CORO2A: variants seen among roughly 807,000 people sequenced by gnomAD.
CORO2A encodes coronin 2A, also known as coronin-2A.
In CORO2A, 47 loss-of-function variants were observed where a neutral mutation model predicts 62.4. The observed-to-expected ratio is 0.75, with a 90% CI of 0.60 to 0.96. The LOEUF is 0.96. Among genes scored for constraint, CORO2A ranks in the 40% least tolerant of loss-of-function variants. The pLI, the probability that CORO2A is intolerant of heterozygous loss-of-function variation, is 0.00. For synonymous variants in CORO2A, 273 were observed against 268.9 expected (o/e 1.02, Z -0.15); for missense variants, 610 against 684.1 (o/e 0.89, Z 1.21).
At position 98,126,721 on chromosome 9, in the gene CORO2A, C is replaced by A; in HGVS notation, c.1274G>T (p.Arg425Leu). 2 of 1,614,156 alleles carry A rather than the reference C, an allele frequency of 1.2e-6. No individual in the cohort carries two copies. Among genetic ancestry groups the A allele is most frequent in the Non-Finnish European group, 1.7e-6 (2 of 1,180,034 alleles). The change falls in exon 11 of 12, where the codon CGG becomes CTG. Residue 425 changes from arginine to leucine, a missense_variant. Physicochemically the swap from Arg to Leu is moderately radical, Grantham distance 102. Coordinates refer to ENST00000375077, the MANE Select transcript of CORO2A (RefSeq NM_052820.4). ...CAGCTTTTCTGTCTGATTCAAGAGC[C>A]GGGGTGAGGCTGGGGCCATGGAATT... is the stretch of plus-strand genomic sequence containing the variant. ...IFNSMAPASPRLLNQTEKLAA... is the reference protein window; with the variant it reads ...IFNSMAPASPLLLNQTEKLAA...
At chr9:98,183,876 A>G (rs10217520) in intron 1 of CORO2A, among the ~76,000 whole-genome samples, 104,956 of 152,202 alleles carry the variant, frequency 0.69, 37,240 homozygotes, top group African/African-American at 0.86. Flanking sequence ...CACAAGAATC[A>G]CTTGAACCCG....
chr9:98,122,867 C>T lies in CORO2A; in HGVS notation c.*1907G>A, dbSNP rs1827261450. The T allele has an allele frequency of 6.6e-6, 1 of 152,214 alleles. No individual in the cohort carries two copies. The highest frequency in any genetic ancestry group is 1.5e-5 in the Non-Finnish European group (1 of 68,086). 9.4% of individuals were successfully genotyped at this position (152,214 alleles called of 1,614,324 possible). ...GCACAGTTCTGAAGTCTGCGTCCCT[C>T]CATAAGGGACAGCATCTATCCATAT... On this transcript the variant is annotated 3_prime_UTR_variant, in exon 12 of 12. Coordinates refer to ENST00000375077, the MANE Select transcript of CORO2A (RefSeq NM_052820.4).
intron 2 of CORO2A, among the ~76,000 whole-genome samples, chr9:98,150,429 GGGAAT>G (rs1449524132): frequency 0.013 from 1,917 of 152,166 alleles, 34 homozygotes; most frequent in East Asian, 0.042. Context: ...TCCCACTCAG[GGGAAT>G]GTTTGCATGT....
chr9:98,189,874 C>T (rs1051437464), intron 1 of CORO2A, among the ~76,000 whole-genome samples: 12 of 138,122 alleles, frequency 8.7e-5, no homozygotes, highest in African/African-American at 2.1e-4. Flanking sequence ...CTTCACTAGA[C>T]GGCAACTCCT....
intron 7 of CORO2A, among the ~76,000 whole-genome samples, chr9:98,130,144 T>C (rs959802182): frequency 6.6e-6 from 1 of 152,146 alleles, no homozygotes; most frequent in African/African-American, 2.4e-5. Flanking sequence ...TGGAGAGCAG[T>C]AGTGCAATCA....
At chr9:98,127,637 C>T (rs141698764) in intron 10 of CORO2A, among the ~76,000 whole-genome samples, 11 of 151,968 alleles carry the variant, frequency 7.2e-5, no homozygotes, top group Middle Eastern at 3.4e-3. Context: ...CATGGCAAAA[C>T]CCCCATCTCT....
chr9:98,154,669 T>C (rs1827779384), intron 2 of CORO2A, among the ~76,000 whole-genome samples: 1 of 152,212 alleles, frequency 6.6e-6, no homozygotes, highest in African/African-American at 2.4e-5. Context: ...TAGTGTAGGC[T>C]GTTTTTAATT....
chr9:98,133,438 C>T (rs7866005), intron 4 of CORO2A, among the ~76,000 whole-genome samples: 18 of 152,140 alleles, frequency 1.2e-4, no homozygotes, highest in East Asian at 3.9e-4. Flanking sequence ...GAAAGGAAAA[C>T]GCCACCTGCC....
At chr9:98,160,244 C>A (rs1362164803) in intron 1 of CORO2A, among the ~76,000 whole-genome samples, 3 of 151,918 alleles carry the variant, frequency 2.0e-5, no homozygotes, top group Non-Finnish European at 4.4e-5. Context: ...AGAAGACTCA[C>A]AAAAATAGAA....
chr9:98,131,333 T>C (rs1827405831), intron 6 of CORO2A, among the ~76,000 whole-genome samples: 1 of 125,794 alleles, frequency 7.9e-6, no homozygotes, highest in South Asian at 2.6e-4. Flanking sequence ...CAAATCACTT[T>C]TTTTTTTTTT....
intron 2 of CORO2A, among the ~76,000 whole-genome samples, chr9:98,149,515 A>G (rs577899199): frequency 1.3e-5 from 2 of 152,374 alleles, no homozygotes; most frequent in African/African-American, 2.4e-5. Flanking sequence ...GCCTGGCACC[A>G]GCATCTGCTT....
rs1827273788 is a variant in CORO2A, at chr9:98,123,661, A to AC, written c.*1112dup. ...AGACGCTCACCACCACGGCTGGCCA[A>AC]CTTTTTTTTTTTGAGACGGAGTCTC... On this transcript the variant is annotated 3_prime_UTR_variant, in exon 12 of 12. Transcript: ENST00000375077. 2 of 150,790 alleles carry AC rather than the reference A, an allele frequency of 1.3e-5. No homozygotes were observed. Among genetic ancestry groups the AC allele is most frequent in the Admixed American group, 1.3e-4 (2 of 15,136 alleles). The allele number at this position is 150,790 out of a possible 1,614,324, so 9.3% of individuals were successfully genotyped here. A position where few individuals can be genotyped will look rare whatever the true frequency, so the allele number is the denominator to read the frequency against.
chr9:98,139,359 G>T (rs2118829311), intron 2 of CORO2A, among the ~76,000 whole-genome samples: 1 of 152,288 alleles, frequency 6.6e-6, no homozygotes, highest in South Asian at 2.1e-4. Flanking sequence ...CTGGCATGGT[G>T]GCTCACGGCT....
chr9:98,141,583 A>G (rs1292722306), intron 2 of CORO2A, among the ~76,000 whole-genome samples: 1 of 152,062 alleles, frequency 6.6e-6, no homozygotes, highest in Non-Finnish European at 1.5e-5. Flanking sequence ...TGAACTCCTG[A>G]CCTCAGGTGA....
intron 2 of CORO2A, among the ~76,000 whole-genome samples, chr9:98,143,242 A>G (rs1827598370): frequency 6.6e-6 from 1 of 152,216 alleles, no homozygotes; most frequent in South Asian, 2.1e-4. Flanking sequence ...AGGAGGAGTC[A>G]GGCGGGTGGG....
At chr9:98,175,075 A>G (rs978295922) in intron 1 of CORO2A, among the ~76,000 whole-genome samples, 23 of 152,022 alleles carry the variant, frequency 1.5e-4, no homozygotes, top group Admixed American at 1.4e-3. Context: ...ATTTCCACAG[A>G]GCTCCTATTC....
chr9:98,143,341 G>A (rs1827599940), intron 2 of CORO2A, among the ~76,000 whole-genome samples: 1 of 152,216 alleles, frequency 6.6e-6, no homozygotes, highest in African/African-American at 2.4e-5. Flanking sequence ...AGCAGTCAAG[G>A]GAGCAGCTGT....
intron 1 of CORO2A, among the ~76,000 whole-genome samples, chr9:98,170,163 C>G (rs1353130474): frequency 1.3e-5 from 2 of 152,246 alleles, no homozygotes; most frequent in Non-Finnish European, 2.9e-5. Flanking sequence ...GGAAGCGCCC[C>G]TCGTCTCCTT....
chr9:98,124,810 C>T lies in CORO2A; in HGVS notation c.1542G>A (p.Glu514=). ...CTGAGCCCATCCGCAAGTTTTTGAT[C>T]TCCAGTTCCAACTGTTTGGCCTGGA... ...REVQAKQLEL[E]IKNLRMGSEQ... The change falls in exon 12 of 12, where the codon GAG becomes GAA. Residue 514 remains glutamate (E), a synonymous_variant. Transcript: ENST00000375077. The T allele has an allele frequency of 1.2e-6, 2 of 1,611,550 alleles. No homozygotes were observed. The highest frequency in any genetic ancestry group is 2.2e-5 in the South Asian group (2 of 90,332).
Sources: gnomAD v4.1 joint callset for allele counts (sites outside exome capture counted in the v4.1 genomes callset) on GRCh38, gnomAD v4.1.1 for gene constraint, MANE v1.5 for transcripts, NCBI Gene and HGNC (gene_info 2026-07-23, HGNC 2026-07-21) for gene names.